The following SV2C variants were observed in gnomAD, a reference collection of about 807,000 sequenced individuals.
The protein encoded by SV2C is synaptic vesicle glycoprotein 2C.
A neutral mutation model predicts 79.7 loss-of-function variants in SV2C; 49 were observed. The ratio of observed to expected loss-of-function variants is 0.61; its 90% CI spans 0.49 to 0.78. The LOEUF is 0.78. Ranked by LOEUF, SV2C falls within the 30% of genes least tolerant of loss-of-function variation. The pLI is 0.00. For synonymous variants in SV2C, 334 were observed against 333.2 expected, an observed-to-expected ratio of 1.00 and a Z score of -0.03; for missense variants, 833 against 912.9, an observed-to-expected ratio of 0.91 and a Z score of 1.13.
chr5:76,123,756 G>A lies in SV2C; in HGVS notation c.-101-7894G>A, dbSNP rs112466339. Among the ~76,000 whole-genome samples, 1,121 of 152,218 alleles carry A rather than the reference G, an allele frequency of 7.4e-3. 11 individuals are homozygous for A. Among genetic ancestry groups the A allele is most frequent in the African/African-American group, 0.026 (1,077 of 41,524 alleles). ...TTGAATAGTCTTGGGAGTTTTCTGG[G>A]AATCCTCAGACCACACTTTGAGAAC... On this transcript the variant is annotated intron_variant, in intron 1 of 12. Transcript: ENST00000502798.
chr5:76,253,394 C>T (rs964016665), intron 4 of SV2C, among the ~76,000 whole-genome samples: 2 of 151,970 alleles, frequency 1.3e-5, no homozygotes, highest in Non-Finnish European at 1.5e-5. Context: ...CGGGCTCAAG[C>T]GAAAATCTCC....
chr5:76,308,790 G>A (rs1040266303), intron 12 of SV2C, among the ~76,000 whole-genome samples: 30 of 151,636 alleles, frequency 2.0e-4, no homozygotes, highest in African/African-American at 7.3e-4. Flanking sequence ...ATAATGTGCA[G>A]GATATTTTGT....
the SV2C span, among the ~76,000 whole-genome samples, chr5:76,049,024 A>AAAGAAAGAAAGAAAGAAAGAAAGAGAGAG: frequency 8.3e-6 from 1 of 120,612 alleles, no homozygotes; most frequent in South Asian, 2.9e-4. Flanking sequence ...AGAAAGAAAG[A>AAAGAAAGAAAGAAAGAAAGAAAGAGAGAG]AAAAGAAAAG....
the SV2C span, among the ~76,000 whole-genome samples, chr5:75,887,178 A>G: frequency 1.5e-4 from 23 of 152,274 alleles, no homozygotes; most frequent in African/African-American, 5.5e-4. Context: ...AAATTATCAT[A>G]TGCATTACCT....
chr5:75,981,396 G>T, the SV2C span, among the ~76,000 whole-genome samples: 1 of 152,132 alleles, frequency 6.6e-6, no homozygotes, highest in African/African-American at 2.4e-5. Flanking sequence ...CCAAAAAAGA[G>T]CCTGAGTAGC....
chr5:76,228,957 GCTGACACC>G (rs1302833437), intron 4 of SV2C, among the ~76,000 whole-genome samples: 1 of 152,124 alleles, frequency 6.6e-6, no homozygotes, highest in East Asian at 1.9e-4. Flanking sequence ...ATTCCATTGG[GCTGACACC>G]CAAGAAGCCA....
At chr5:75,944,241 C>T in the SV2C span, among the ~76,000 whole-genome samples, 27 of 152,284 alleles carry the variant, frequency 1.8e-4, no homozygotes, top group African/African-American at 6.3e-4. Context: ...CTACTTACTT[C>T]AGTGGTTTGC....
chr5:76,013,234 A>G, the SV2C span, among the ~76,000 whole-genome samples: 3 of 152,300 alleles, frequency 2.0e-5, no homozygotes, highest in Non-Finnish European at 2.9e-5. Flanking sequence ...CTTCCTATCC[A>G]TAAGCATGGA....
At chr5:76,277,956 G>A (rs1747072312) in intron 4 of SV2C, among the ~76,000 whole-genome samples, 1 of 152,176 alleles carries the variant, frequency 6.6e-6, no homozygotes. Context: ...GATAATGATG[G>A]TGGTTACATG....
chr5:76,192,380 G>C (rs760935337), intron 2 of SV2C, among the ~76,000 whole-genome samples: 3 of 152,160 alleles, frequency 2.0e-5, no homozygotes, highest in Non-Finnish European at 4.4e-5. Flanking sequence ...TCTGACTTCT[G>C]ACAACTGTTT....
At chr5:75,956,447 G>A in the SV2C span, among the ~76,000 whole-genome samples, 1 of 151,222 alleles carries the variant, frequency 6.6e-6, no homozygotes, top group Non-Finnish European at 1.5e-5. Context: ...CCTAATGAGA[G>A]ATGACGAGTT....
chr5:76,128,136 C>T (rs767931896), intron 1 of SV2C, among the ~76,000 whole-genome samples: 1 of 152,106 alleles, frequency 6.6e-6, no homozygotes, highest in African/African-American at 2.4e-5. Context: ...CTTGAGTAAA[C>T]GAGGAGCATC....
chr5:76,173,843 AC>A, intron 2 of SV2C: 4 of 1,598,344 alleles, frequency 2.5e-6, no homozygotes, highest in Non-Finnish European at 3.4e-6. Context: ...CTTATTACCA[AC>A]AAGAATCATT....
the SV2C span, among the ~76,000 whole-genome samples, chr5:75,849,384 CAG>C: frequency 0.017 from 2,616 of 152,216 alleles, 76 homozygotes; most frequent in African/African-American, 0.056. Flanking sequence ...AGAAAAGGAA[CAG>C]AAATCTATGG....
chr5:76,142,903 C>CTTTTTTTTTTTT (rs372569739), intron 2 of SV2C, among the ~76,000 whole-genome samples: 5 of 134,574 alleles, frequency 3.7e-5, no homozygotes, highest in Admixed American at 7.5e-5. Context: ...TTTTCTTTTC[C>CTTTTTTTTTTTT]TTTTTTTTTG....
the SV2C span, among the ~76,000 whole-genome samples, chr5:75,899,242 G>A: frequency 1.0e-3 from 152 of 152,318 alleles, no homozygotes; most frequent in Admixed American, 9.0e-3. Flanking sequence ...TGCTTTGAAT[G>A]TGTCCCGGAG....
chr5:75,899,125 T>C, the SV2C span, among the ~76,000 whole-genome samples: 1 of 152,230 alleles, frequency 6.6e-6, no homozygotes, highest in Non-Finnish European at 1.5e-5. Flanking sequence ...TGAATGTGTT[T>C]GCTCTTGCTT....
At chr5:75,980,655 T>C in the SV2C span, among the ~76,000 whole-genome samples, 4 of 152,234 alleles carry the variant, frequency 2.6e-5, no homozygotes, top group African/African-American at 7.2e-5. Flanking sequence ...TTAATACAAT[T>C]CGATGTCCAT....
At chr5:75,962,305 T>C in the SV2C span, among the ~76,000 whole-genome samples, 1 of 152,090 alleles carries the variant, frequency 6.6e-6, no homozygotes, top group Non-Finnish European at 1.5e-5. Context: ...TAAGGACATG[T>C]GTTGTTCAGA....
Sources: allele counts gnomAD v4.1 joint callset (sites outside exome capture counted in the v4.1 genomes callset), GRCh38; gene constraint gnomAD v4.1.1; transcripts MANE v1.5; gene names NCBI Gene and HGNC (gene_info 2026-07-23, HGNC 2026-07-21).